Variants in VPS41 observed in about 807,000 individuals in gnomAD.
VPS41 encodes the protein vacuolar protein sorting-associated protein 41 homolog.
A neutral mutation model predicts 130.9 loss-of-function variants in VPS41; 85 were observed. The ratio of observed to expected loss-of-function variants is 0.65; its 90% CI spans 0.55 to 0.78. The LOEUF (loss-of-function observed/expected upper bound fraction) is 0.78. Ranked by LOEUF, VPS41 falls within the 30% of genes least tolerant of loss-of-function variation. The probability of loss-of-function intolerance (pLI) is 0.00; values close to 1 mark genes in which losing one functional copy is unlikely to be tolerated. For missense variants in VPS41, 874 were observed against 1,018.7 expected (o/e 0.86, Z 1.93); for synonymous variants, 335 against 332.9 (o/e 1.01, Z -0.07).
rs73121396 is a variant in VPS41 at position 38,830,502 on chromosome 7, G to A, written c.247-174C>T. ...ACTATGAGAAGAAAAGTAAGCCTACGGCAGCTACAACATGAGCTTGCAGAG... is the reference window on the plus strand; with the variant it reads ...ACTATGAGAAGAAAAGTAAGCCTACAGCAGCTACAACATGAGCTTGCAGAG... On this transcript the variant is annotated intron_variant, in intron 4 of 28. Coordinates refer to ENST00000310301, the MANE Select transcript of VPS41 (RefSeq NM_014396.4). Among the ~76,000 whole-genome samples, 15,727 of 152,166 alleles carry A rather than the reference G, an allele frequency of 0.1. 1,212 individuals carry two copies. The highest frequency in any genetic ancestry group is 0.22 in the African/African-American group (8,930 of 41,498).
chr7:38,888,664 G>A (rs1280264035), intron 2 of VPS41, among the ~76,000 whole-genome samples: 1 of 152,022 alleles, frequency 6.6e-6, no homozygotes, highest in East Asian at 1.9e-4. Flanking sequence ...CTCAGCTCTG[G>A]AGCAAGCAGA....
intron 27 of VPS41, 196 bp from the exon 28 acceptor site, chr7:38,727,184 C>A (rs961169226): frequency 4.1e-5 from 17 of 411,186 alleles, no homozygotes; most frequent in East Asian, 1.2e-4. Context: ...TGTTGCTATG[C>A]GATTCACAGG....
At chr7:38,808,515 T>C (rs1367157621) in intron 7 of VPS41, among the ~76,000 whole-genome samples, 2 of 152,216 alleles carry the variant, frequency 1.3e-5, no homozygotes, top group Non-Finnish European at 2.9e-5. Context: ...TAAAGGTATG[T>C]ATTTACAATG....
intron 9 of VPS41, among the ~76,000 whole-genome samples, chr7:38,791,440 T>A (rs887497213): frequency 8.5e-5 from 13 of 152,190 alleles, no homozygotes. Flanking sequence ...AGTTAAGGCC[T>A]TTGTGAAATA....
Position 38,725,638 on chromosome 7 carries a change from A to C in VPS41, c.*608T>G, listed in dbSNP as rs763291293. 1.3e-5 allele frequency: 2 copies of C among 152,396 alleles called. No individual in the cohort carries two copies. Among genetic ancestry groups the C allele is most frequent in the Non-Finnish European group, 2.9e-5 (2 of 68,164 alleles). 9.4% of individuals were successfully genotyped at this position (152,396 alleles called of 1,614,324 possible). A position where few individuals can be genotyped will look rare whatever the true frequency, so the allele number is the denominator to read the frequency against. On this transcript the variant is annotated 3_prime_UTR_variant, in exon 29 of 29. Transcript: ENST00000310301. ...TACTCTTTGACAGTCGTCACAGCAC[A>C]CAGAACATGTGATTAGTAAACATAA...
At chr7:38,731,010 G>A (rs934411400) in intron 25 of VPS41, among the ~76,000 whole-genome samples, 1 of 152,162 alleles carries the variant, frequency 6.6e-6, no homozygotes, top group African/African-American at 2.4e-5. Context: ...CATTTTCTAG[G>A]AAAATTCATT....
intron 4 of VPS41, among the ~76,000 whole-genome samples, chr7:38,834,211 T>A (rs1379950849): frequency 1.3e-5 from 2 of 152,196 alleles, no homozygotes; most frequent in African/African-American, 4.8e-5. Context: ...TGGTAAGATG[T>A]TGAGAGCTCT....
At chr7:38,817,972 T>C (rs1785092061) in intron 6 of VPS41, 90 bp from the exon 7 acceptor site, 1 of 1,000,316 alleles carries the variant, frequency 1.0e-6, no homozygotes, top group African/African-American at 1.6e-5. Flanking sequence ...CAGCATGATC[T>C]AAAAATTATC....
intron 7 of VPS41, among the ~76,000 whole-genome samples, chr7:38,807,887 A>G (rs1166483308): frequency 6.6e-6 from 1 of 152,202 alleles, no homozygotes; most frequent in Non-Finnish European, 1.5e-5. Context: ...TGCTCAAAAT[A>G]CTTAAGAATA....
At chr7:38,742,191 T>G in intron 24 of VPS41, 70 bp from the exon 25 acceptor site, 1 of 1,407,968 alleles carries the variant, frequency 7.1e-7, no homozygotes. Flanking sequence ...GCACATAATT[T>G]GCATATAATG....
chr7:38,745,156 C>G (rs190503640), intron 23 of VPS41, among the ~76,000 whole-genome samples: 187 of 152,254 alleles, frequency 1.2e-3, no homozygotes, highest in Middle Eastern at 6.8e-3. Context: ...TTCTCCAAAA[C>G]TATGGTATTC....
chr7:38,790,847 A>G lies in VPS41; in HGVS notation c.718-980T>C, dbSNP rs1057117464. 2.0e-5 allele frequency among the ~76,000 whole-genome samples: 3 copies of G among 152,176 alleles called. No homozygotes were observed. In the East Asian group the frequency reaches 5.8e-4, roughly 29 times the overall value. On this transcript the variant is annotated intron_variant, in intron 9 of 28. Coordinates refer to ENST00000310301, the MANE Select transcript of VPS41 (RefSeq NM_014396.4). ...TTTGGGGGCATATTTTTTTGTTTTT[A>G]TATCTATTGTAAGCAATAGTGCAAT...
chr7:38,804,880 A>T (rs527690892), intron 7 of VPS41, among the ~76,000 whole-genome samples: 1 of 152,346 alleles, frequency 6.6e-6, no homozygotes, highest in Admixed American at 6.5e-5. Context: ...AAAATCTTCC[A>T]TATGGATCCC....
At chr7:38,750,150 G>A (rs1209162321) in intron 22 of VPS41, among the ~76,000 whole-genome samples, 1 of 152,116 alleles carries the variant, frequency 6.6e-6, no homozygotes, top group African/African-American at 2.4e-5. Context: ...TAGAGGTGTG[G>A]GCTACCACAC....
intron 4 of VPS41, among the ~76,000 whole-genome samples, chr7:38,835,590 T>G (rs1201545262): frequency 6.6e-6 from 1 of 151,990 alleles, no homozygotes; most frequent in Non-Finnish European, 1.5e-5. Context: ...TTTTAGAAAT[T>G]TAATAATTTG....
At chr7:38,884,323 T>C (rs1010415310) in intron 2 of VPS41, among the ~76,000 whole-genome samples, 2 of 152,118 alleles carry the variant, frequency 1.3e-5, no homozygotes, top group Non-Finnish European at 2.9e-5. Flanking sequence ...CTAAATAGCA[T>C]ACAGGTTTAT....
chr7:38,850,557 T>C (rs1291692537), intron 4 of VPS41, among the ~76,000 whole-genome samples: 1 of 152,198 alleles, frequency 6.6e-6, no homozygotes, highest in East Asian at 1.9e-4. Context: ...ATATTGAGTG[T>C]GAAAGTCAAT....
intron 2 of VPS41, among the ~76,000 whole-genome samples, chr7:38,880,528 G>A (rs1786582182): frequency 1.3e-5 from 2 of 152,262 alleles, no homozygotes; most frequent in South Asian, 4.2e-4. Context: ...CACTGGTGAT[G>A]GAAATGATGA....
intron 4 of VPS41, among the ~76,000 whole-genome samples, 197 bp from the exon 5 acceptor site, chr7:38,830,525 G>C (rs1785366867): frequency 6.6e-6 from 1 of 152,194 alleles, no homozygotes; most frequent in Admixed American, 6.5e-5. Context: ...TGAGCTTGCA[G>C]AGTAGTTTTT....
Sources: gnomAD v4.1 joint callset for allele counts (sites outside exome capture counted in the v4.1 genomes callset) on GRCh38, gnomAD v4.1.1 for gene constraint, MANE v1.5 for transcripts, NCBI Gene and HGNC (gene_info 2026-07-23, HGNC 2026-07-21) for gene names.